The following APBB1 variants were observed in gnomAD, a reference collection of about 807,000 sequenced individuals.
APBB1 encodes adaptor protein FE65a2.
A neutral mutation model predicts 78.4 loss-of-function variants in APBB1; 22 were observed. The observed-to-expected ratio is 0.28, with a 90% CI of 0.20 to 0.40. The LOEUF is 0.40. APBB1 is among the 10% of genes least tolerant of loss of function. The pLI is 1.00. For missense variants in APBB1, 749 were observed against 932.4 expected (o/e 0.80, Z 2.56); for synonymous variants, 369 against 372.7 (o/e 0.99, Z 0.12).
chr11:6,399,456 T>G (rs1358350054), intron 12 of APBB1, among the ~76,000 whole-genome samples: 1 of 151,992 alleles, frequency 6.6e-6, no homozygotes, highest in Non-Finnish European at 1.5e-5. Context: ...AACTTAGGAG[T>G]CATCCTTGTC....
intron 12 of APBB1, among the ~76,000 whole-genome samples, chr11:6,396,812 AG>A (rs1360712785): frequency 6.6e-6 from 1 of 152,190 alleles, no homozygotes; most frequent in Non-Finnish European, 1.5e-5. Context: ...ACCTGAGCTC[AG>A]GCAGTCTGAT....
intron 2 of APBB1, chr11:6,404,987 C>G: frequency 1.4e-6 from 2 of 1,431,198 alleles, no homozygotes; most frequent in Non-Finnish European, 1.8e-6. Context: ...CCAGGACCAC[C>G]ATGCTAGGGA....
chr11:6,408,527 G>A (rs778109354), intron 2 of APBB1, among the ~76,000 whole-genome samples: 1 of 149,292 alleles, frequency 6.7e-6, no homozygotes, highest in African/African-American at 2.5e-5. Flanking sequence ...TTTTTGAGAA[G>A]GAGTCTCGCT....
intron 12 of APBB1, among the ~76,000 whole-genome samples, chr11:6,400,144 C>G (rs1260227321): frequency 6.6e-6 from 1 of 152,162 alleles, no homozygotes; most frequent in Non-Finnish European, 1.5e-5. Flanking sequence ...ACTGTTCTCC[C>G]TGTGCCTAGT....
Position 6,401,316 on chromosome 11 carries a change from G to T in APBB1, c.1588+29C>A, listed in dbSNP as rs1350767240. ...CACCCACCTTTGCCAACAAAGCTGA[G>T]CTGGACCTGGAGGGGTTTTGACACT... On this transcript the variant is annotated intron_variant, in intron 11 of 14. Transcript: ENST00000609360. This position sits in a 1 kb window ranked among gnomAD's most constrained non-coding sequence, Gnocchi z 4.5. The T allele has an allele frequency of 1.9e-6, 3 of 1,614,052 alleles. No homozygotes were observed. The Admixed American group carries it at 5.0e-5, about 27-fold the overall frequency.
intron 2 of APBB1, chr11:6,404,691 T>A: frequency 6.5e-7 from 1 of 1,535,996 alleles, no homozygotes; most frequent in South Asian, 1.2e-5. Context: ...CTCTAACTCT[T>A]CTCTCCCTGT....
At chr11:6,405,045 C>A (rs772700233) in intron 2 of APBB1, 27 of 1,414,258 alleles carry the variant, frequency 1.9e-5, no homozygotes, top group Non-Finnish European at 1.7e-5. Context: ...GTTCATGAGA[C>A]CCCAGCCCCT....
chr11:6,414,019 T>C (rs548632470), intron 1 of APBB1, among the ~76,000 whole-genome samples: 35 of 152,154 alleles, frequency 2.3e-4, no homozygotes, highest in African/African-American at 8.4e-4. Flanking sequence ...TGTCACTCCC[T>C]GGTTCAGAAA....
At chr11:6,406,364 C>A (rs534690800) in intron 2 of APBB1, among the ~76,000 whole-genome samples, 4 of 152,240 alleles carry the variant, frequency 2.6e-5, no homozygotes, top group East Asian at 3.9e-4. Context: ...CTCTCCACCC[C>A]ACATAACTAA....
chr11:6,403,927 A>G lies in APBB1; in HGVS notation c.722-105T>C. The G allele has an allele frequency of 8.0e-7, 1 of 1,255,900 alleles. No individual in the cohort carries two copies. The highest frequency in any genetic ancestry group is 1.1e-6 in the Non-Finnish European group (1 of 914,932). The allele number at this position is 1,255,900 out of a possible 1,614,324, so 77.8% of individuals were successfully genotyped here. The stretch of plus-strand genomic sequence containing the variant: ...CCCCATGGTTGAGAAGGGGTGGTGG[A>G]AGAGCTATACCACAACACAGTTCCT... On this transcript the variant is annotated intron_variant, in intron 2 of 14. Coordinates refer to ENST00000609360, the MANE Select transcript of APBB1 (RefSeq NM_001164.5). This position sits in a 1 kb window ranked among gnomAD's most constrained non-coding sequence, Gnocchi z 5.3.
At position 6,401,092 on chromosome 11, in the gene APBB1, G is replaced by C. The variant is rs1365146938; in HGVS notation, c.1589-20C>G. On this transcript the variant is annotated intron_variant, in intron 11 of 14. Transcript: ENST00000609360. This position sits in a 1 kb window ranked among gnomAD's most constrained non-coding sequence, Gnocchi z 4.5. Reference sequence around the variant, plus strand: ...ATTCCACTATGGGAAAGAAGAGAAGGTTGATCATGGTGGCAGACCTTGCTC... The same window carrying C: ...ATTCCACTATGGGAAAGAAGAGAAGCTTGATCATGGTGGCAGACCTTGCTC... 1.4e-5 allele frequency: 23 copies of C among 1,614,092 alleles called. No homozygotes were observed. The highest frequency in any genetic ancestry group is 1.9e-5 in the Non-Finnish European group (23 of 1,180,010).
In APBB1 at chr11:6,395,653, A is replaced by C; in HGVS notation, c.2014T>G (p.Cys672Gly). 3 of 1,593,872 alleles carry C rather than the reference A, an allele frequency of 1.9e-6. No homozygotes were observed. The highest frequency in any genetic ancestry group is 2.6e-6 in the Non-Finnish European group (3 of 1,168,752). Residue 672 changes from cysteine to glycine, a missense_variant, in exon 15 of 15, where the codon TGC (cysteine) becomes GGC (glycine). Cys to Gly is a radical substitution (Grantham distance 159). This residue lies in a region of APBB1 where 96 missense variants were observed against 116.0 expected (regional missense o/e 0.83). Transcript: ENST00000609360. The surrounding 1 kb of genome is among the most constrained non-coding windows in gnomAD (Gnocchi z 5.2). ...LDARSQASTS[C>G]LPAPPAESVA... ...GACTCAGCAGGGGGTGCTGGGAGGC[A>C]GGAGGTGGAGGCCTGGGAACGGGCA...
intron 2 of APBB1, among the ~76,000 whole-genome samples, chr11:6,406,393 C>G (rs1335397019): frequency 1.4e-5 from 2 of 146,660 alleles, no homozygotes; most frequent in East Asian, 3.9e-4. Flanking sequence ...AGGCTACTAG[C>G]TTTTTTTTTT....
chr11:6,411,095 G>T lies in APBB1; in HGVS notation c.253C>A (p.Arg85Ser), dbSNP rs766650127. The T allele has an allele frequency of 1.2e-6, 2 of 1,612,906 alleles. No individual in the cohort carries two copies. Among genetic ancestry groups the T allele is most frequent in the Non-Finnish European group, 1.7e-6 (2 of 1,180,034 alleles). Residue 85 changes from arginine (R) to serine (S), a missense_variant, in exon 2 of 15, where the codon CGT becomes AGT. Coordinates refer to ENST00000609360, the MANE Select transcript of APBB1 (RefSeq NM_001164.5). This position sits in a 1 kb window ranked among gnomAD's most constrained non-coding sequence, Gnocchi z 5.2. ...NQLRRAATAH[R>S]DQNRNVTLTL... ...AAGGTCACATTGCGATTCTGGTCAC[G>T]GTGGGCCGTGGCGGCCCGCCGGAGC...
chr11:6,408,747 A>G (rs1054868008), intron 2 of APBB1, among the ~76,000 whole-genome samples: 3 of 151,994 alleles, frequency 2.0e-5, no homozygotes, highest in Admixed American at 1.3e-4. Context: ...CACGTGATCC[A>G]CCTGCCTCGG....
At chr11:6,404,929 C>T (rs547927057) in intron 2 of APBB1, 22 of 1,449,650 alleles carry the variant, frequency 1.5e-5, no homozygotes, top group East Asian at 7.5e-5. Flanking sequence ...CAGGGCAGAG[C>T]GTCTGCCAGG....
intron 1 of APBB1, among the ~76,000 whole-genome samples, chr11:6,418,252 G>A (rs1849170169): frequency 6.6e-6 from 1 of 152,192 alleles, no homozygotes; most frequent in Non-Finnish European, 1.5e-5. Flanking sequence ...AGGTAAAGGA[G>A]ATAACAGTGT....
In APBB1 at chr11:6,403,132, G is replaced by A. The variant is rs775877106; in HGVS notation, c.1104+13C>T. ...GGCCCCAGACTCAGAATGGGTGTCA[G>A]TCTTGAACAAACCTTGATCCCTGGG... On this transcript the variant is annotated intron_variant, in intron 6 of 14. Transcript: ENST00000609360. This position sits in a 1 kb window ranked among gnomAD's most constrained non-coding sequence, Gnocchi z 5.3. 5.0e-6 allele frequency: 8 copies of A among 1,605,890 alleles called. No homozygotes were observed. The Admixed American group carries it at 1.4e-4, about 27-fold the overall frequency.
chr11:6,404,525 T>C, intron 2 of APBB1: 1 of 1,483,658 alleles, frequency 6.7e-7, no homozygotes, highest in East Asian at 2.5e-5. Flanking sequence ...CTGCCAAATG[T>C]GTGCAGACAC....
Sources: gnomAD v4.1 joint callset for allele counts (sites outside exome capture counted in the v4.1 genomes callset) on GRCh38, gnomAD v4.1.1 for gene constraint, gnomAD v4.1.1 regional missense constraint, Gnocchi (gnomAD v3.1) non-coding constraint, MANE v1.5 for transcripts, NCBI Gene and HGNC (gene_info 2026-07-23, HGNC 2026-07-21) for gene names.